RSPH14: variants seen among roughly 807,000 people sequenced by gnomAD.
RSPH14 encodes the protein radial spoke head 14 homolog.
RSPH14 carries 20 observed loss-of-function variants against 26.7 expected under a neutral mutation model. That is an observed-to-expected ratio of 0.75 (90% CI 0.53 to 1.09). The LOEUF is 1.09. RSPH14 is among the 50% of genes least tolerant of loss of function. The pLI is 0.00. For missense variants in RSPH14, 449 were observed against 457.2 expected (o/e 0.98, Z 0.16); for synonymous variants, 177 against 189.3 (o/e 0.93, Z 0.53).
chr22:23,136,411 G>T, intron 3 of RSPH14: 1 of 597,870 alleles, frequency 1.7e-6, no homozygotes. Context: ...TATTGACATT[G>T]GTTATAAGAT....
intron 4 of RSPH14, among the ~76,000 whole-genome samples, chr22:23,099,049 C>T (rs2069213032): frequency 6.6e-6 from 1 of 152,294 alleles, no homozygotes; most frequent in South Asian, 2.1e-4. Flanking sequence ...GGACACGGCT[C>T]CTCCATAGCC....
At chr22:23,080,570 C>T (rs144366893) in intron 4 of RSPH14, among the ~76,000 whole-genome samples, 1 of 152,180 alleles carries the variant, frequency 6.6e-6, no homozygotes, top group East Asian at 1.9e-4. Flanking sequence ...TAAGGTGAGA[C>T]CCGTTGCGGA....
intron 4 of RSPH14, among the ~76,000 whole-genome samples, chr22:23,080,213 G>A (rs2146268365): frequency 6.6e-6 from 1 of 152,350 alleles, no homozygotes; most frequent in South Asian, 2.1e-4. Flanking sequence ...TATCTGGCTT[G>A]ATTTCCTCCT....
At chr22:23,160,827 A>G in the RSPH14 span, 303 of 1,584,062 alleles carry the variant, frequency 1.9e-4, no homozygotes, top group Middle Eastern at 8.7e-4. Flanking sequence ...CAGATGCATT[A>G]AGGGGCAAGG....
At chr22:23,147,502 T>C (rs1240965796), upstream of RSPH14, among the ~76,000 whole-genome samples, 4 of 152,050 alleles carry the variant, frequency 2.6e-5, no homozygotes, top group Non-Finnish European at 4.4e-5. Flanking sequence ...GGCTAATTTT[T>C]AATTTTTTTT....
chr22:23,131,869 G>A (rs1051883008), intron 4 of RSPH14, among the ~76,000 whole-genome samples: 3 of 152,090 alleles, frequency 2.0e-5, no homozygotes, highest in Non-Finnish European at 4.4e-5. Context: ...CCAGGGGCAC[G>A]GTGGTGTTTT....
At chr22:23,081,901 G>A (rs1450212461) in intron 4 of RSPH14, among the ~76,000 whole-genome samples, 9 of 151,380 alleles carry the variant, frequency 5.9e-5, no homozygotes, top group Middle Eastern at 3.4e-3. Context: ...CGAGGCGGGC[G>A]GATCACGAGG....
chr22:23,061,937 C>A lies in RSPH14; in HGVS notation c.662G>T (p.Arg221Leu). The part of the protein sequence containing the change: ...ARALLNVSIS[R>L]EGKKQVCHFD... ...ATGACACACCTGTTTCTTGCCCTCT[C>A]GAGATATGCTGGGGCAGAGAGGGAA... The change falls in exon 6 of 7, where the codon CGA becomes CTA. Residue 221 changes from arginine to leucine, a missense_variant. Transcript: ENST00000216036. 6.2e-7 allele frequency: 1 copy of A among 1,614,004 alleles called. No homozygotes were observed. The highest frequency in any genetic ancestry group is 8.5e-7 in the Non-Finnish European group (1 of 1,179,990).
intron 3 of RSPH14, among the ~76,000 whole-genome samples, chr22:23,135,086 G>C (rs1437568524): frequency 6.6e-6 from 1 of 152,020 alleles, no homozygotes; most frequent in African/African-American, 2.4e-5. Context: ...TGGGAGGATC[G>C]TTTGAGCCTA....
the RSPH14 span, among the ~76,000 whole-genome samples, chr22:23,170,159 G>C: frequency 1.3e-5 from 2 of 148,598 alleles, no homozygotes; most frequent in African/African-American, 2.5e-5. Flanking sequence ...GTAAAACATA[G>C]AATTGTCACA....
At chr22:23,074,201 A>C (rs1232740787) in intron 4 of RSPH14, among the ~76,000 whole-genome samples, 1 of 152,164 alleles carries the variant, frequency 6.6e-6, no homozygotes, top group East Asian at 1.9e-4. Flanking sequence ...GCTAATCTAC[A>C]CTTTGAAAAG....
intron 4 of RSPH14, among the ~76,000 whole-genome samples, chr22:23,094,437 G>A (rs561556647): frequency 1.7e-4 from 26 of 152,290 alleles, no homozygotes; most frequent in Non-Finnish European, 2.8e-4. Context: ...TTCTGCCTGA[G>A]GCCTCTAGGC....
intron 4 of RSPH14, among the ~76,000 whole-genome samples, chr22:23,072,429 T>C (rs955458996): frequency 2.0e-5 from 3 of 152,186 alleles, no homozygotes; most frequent in South Asian, 2.1e-4. Flanking sequence ...CTAACTGACG[T>C]TGATTTTCTG....
chr22:23,066,082 A>G (rs2068205417), intron 4 of RSPH14, among the ~76,000 whole-genome samples: 1 of 152,182 alleles, frequency 6.6e-6, no homozygotes, highest in South Asian at 2.1e-4. Context: ...CTTCCAGCTC[A>G]CAGCAGGGAG....
At chr22:23,079,223 G>C (rs772738516) in intron 4 of RSPH14, among the ~76,000 whole-genome samples, 1 of 152,250 alleles carries the variant, frequency 6.6e-6, no homozygotes, top group Non-Finnish European at 1.5e-5. Context: ...GGCAGCACAC[G>C]TGGTGTGGCT....
At chr22:23,146,607 CTG>C (rs1376106412), upstream of RSPH14, 2 of 1,613,776 alleles carry the variant, frequency 1.2e-6, no homozygotes, top group African/African-American at 2.7e-5. Context: ...GTCCACAGGA[CTG>C]TGGAAGAATG....
chr22:23,124,411 G>T (rs569163504), intron 4 of RSPH14: 233 of 469,844 alleles, frequency 5.0e-4, no homozygotes, highest in Non-Finnish European at 5.5e-4. Flanking sequence ...AAGAAATTTT[G>T]GAGTGAGTGG....
intron 4 of RSPH14, among the ~76,000 whole-genome samples, chr22:23,127,046 A>C (rs1374911460): frequency 6.6e-6 from 1 of 152,180 alleles, no homozygotes; most frequent in African/African-American, 2.4e-5. Flanking sequence ...TCAGCATCAC[A>C]CAATGTGACC....
At chr22:23,069,312 G>A (rs1039316407) in intron 4 of RSPH14, among the ~76,000 whole-genome samples, 4 of 152,186 alleles carry the variant, frequency 2.6e-5, no homozygotes, top group Non-Finnish European at 5.9e-5. Flanking sequence ...TAGCTGGGAA[G>A]GCATTTGCAC....
Sources: allele counts gnomAD v4.1 joint callset (sites outside exome capture counted in the v4.1 genomes callset), GRCh38; gene constraint gnomAD v4.1.1; transcripts MANE v1.5; gene names NCBI Gene and HGNC (gene_info 2026-07-23, HGNC 2026-07-21).